The following UNK variants were observed in gnomAD, a reference collection of about 807,000 sequenced individuals.
UNK encodes unk zinc finger, also known as RING finger protein unkempt homolog.
In UNK, 32 loss-of-function variants were observed where a neutral mutation model predicts 97.6. That is an observed-to-expected ratio of 0.33 (90% CI 0.25 to 0.44). The LOEUF (loss-of-function observed/expected upper bound fraction) is 0.44. Among genes scored for constraint, UNK ranks in the 20% least tolerant of loss-of-function variants. The pLI, the probability that UNK is intolerant of heterozygous loss-of-function variation, is 1.00. For missense variants in UNK, 771 were observed against 1,098.4 expected, an observed-to-expected ratio of 0.70 and a Z score of 4.21; for synonymous variants, 441 against 461.2, an observed-to-expected ratio of 0.96 and a Z score of 0.56.
At chr17:75,822,885 T>C (rs548877645) in intron 14 of UNK, among the ~76,000 whole-genome samples, 1 of 152,332 alleles carries the variant, frequency 6.6e-6, no homozygotes, top group East Asian at 1.9e-4. Flanking sequence ...GAGCTGCTTG[T>C]AGTCTGTCCC....
intron 1 of UNK, among the ~76,000 whole-genome samples, chr17:75,786,307 G>C (rs2061710383): frequency 6.6e-6 from 1 of 152,122 alleles, no homozygotes; most frequent in African/African-American, 2.4e-5. Flanking sequence ...TTTCGAATCT[G>C]GAAACTTCAC....
In UNK at chr17:75,822,521, G is replaced by C; in HGVS notation, c.1882G>C (p.Gly628Arg). The part of the protein sequence containing the change: ...NSSIWEHFAS[G>R]SFSPGTSPAF... ...CAGCATCTGGGAGCATTTTGCCTCT[G>C]GAAGCTTCTCCCCGGGCACTTCCCC... is the stretch of plus-strand genomic sequence containing the variant. Residue 628 changes from glycine to arginine, a missense_variant, in exon 14 of 16, where the codon GGA becomes CGA. Gly to Arg is a moderately radical substitution (Grantham distance 125). Coordinates refer to ENST00000589666, the MANE Select transcript of UNK (RefSeq NM_001080419.3). 6.2e-7 allele frequency: 1 copy of C among 1,613,648 alleles called. No homozygotes were observed. The highest frequency in any genetic ancestry group is 8.5e-7 in the Non-Finnish European group (1 of 1,179,786).
rs1447865882 is a variant in UNK, at chr17:75,819,456, A to C, written c.1547-228A>C. The C allele has an allele frequency of 1.0e-5, 6 of 573,512 alleles. No homozygotes were observed. In the African/African-American group the frequency reaches 1.1e-4, roughly 11 times the overall value. The allele number at this position is 573,512 out of a possible 1,614,324, so 35.5% of individuals were successfully genotyped here. A position where few individuals can be genotyped will look rare whatever the true frequency, so the allele number is the denominator to read the frequency against. ...GATGTGATTTCTCCTGGAAGTATCA[A>C]AGAAGATTCAGAAAGGAGAGGCATT... On this transcript the variant is annotated intron_variant, in intron 11 of 15. Coordinates refer to ENST00000589666, the MANE Select transcript of UNK (RefSeq NM_001080419.3). This position sits in a 1 kb window ranked among gnomAD's most constrained non-coding sequence, Gnocchi z 5.4.
At chr17:75,813,258 G>A (rs764698883) in intron 5 of UNK, 45 bp downstream of exon 5, 1 of 1,542,160 alleles carries the variant, frequency 6.5e-7, no homozygotes, top group South Asian at 1.2e-5. Context: ...AGGAGTGGCA[G>A]GGAAGGGGTC....
chr17:75,814,056 C>T (rs2061994608), intron 6 of UNK, among the ~76,000 whole-genome samples, 178 bp downstream of exon 6: 1 of 152,168 alleles, frequency 6.6e-6, no homozygotes, highest in Admixed American at 6.5e-5. Context: ...GGCATCTTCT[C>T]CTATTCTGAG....
intron 13 of UNK, 43 bp from the exon 14 acceptor site, chr17:75,822,434 C>A: frequency 6.4e-7 from 1 of 1,566,524 alleles, no homozygotes; most frequent in Non-Finnish European, 8.7e-7. Flanking sequence ...GGGCCTGGGC[C>A]CAAAGCCCTC....
intron 13 of UNK, chr17:75,821,287 A>G: frequency 2.4e-6 from 1 of 424,014 alleles, no homozygotes; most frequent in Non-Finnish European, 4.8e-6. Context: ...ACTATTGAGC[A>G]CAGGTGTATT....
chr17:75,812,514 A>G lies in UNK; in HGVS notation c.551A>G (p.Glu184Gly). The G allele has an allele frequency of 6.2e-7, 1 of 1,612,754 alleles. No homozygotes were observed. The highest frequency in any genetic ancestry group is 1.1e-5 in the South Asian group (1 of 90,972). ...NGQTTVEGSI[E>G]GQSAGAASHA... ...CAGACCACGGTAGAGGGGAGCATAGAGGGCCAGTCGGCTGGGGCTGCGAGC... is the reference window on the plus strand; with the variant it reads ...CAGACCACGGTAGAGGGGAGCATAGGGGGCCAGTCGGCTGGGGCTGCGAGC... Residue 184 changes from glutamate (E) to glycine (G), a missense_variant, in exon 4 of 16, where the codon GAG (glutamate) becomes GGG (glycine). Transcript: ENST00000589666.
At chr17:75,801,706 C>T (rs1386999464) in intron 1 of UNK, among the ~76,000 whole-genome samples, 1 of 151,914 alleles carries the variant, frequency 6.6e-6, no homozygotes, top group Non-Finnish European at 1.5e-5. Context: ...GCCACCACAC[C>T]TGGCTAATTT....
rs973009570 is a variant in UNK at position 75,816,483 on chromosome 17, T to C, written c.962-287T>C. Among the ~76,000 whole-genome samples, 1 of 152,212 alleles carries C rather than the reference T, an allele frequency of 6.6e-6. No homozygotes were observed. The highest frequency in any genetic ancestry group is 2.4e-5 in the African/African-American group (1 of 41,446). On this transcript the variant is annotated intron_variant, in intron 7 of 15. Coordinates refer to ENST00000589666, the MANE Select transcript of UNK (RefSeq NM_001080419.3). The surrounding 1 kb of genome is among the most constrained non-coding windows in gnomAD (Gnocchi z 4.0). The stretch of plus-strand genomic sequence containing the variant: ...CTCCTCTGTGTTTTAGCTCTGTCAC[T>C]TTGGTGGGTTTACCTTACCTCTCTG...
chr17:75,812,396 C>G (rs1040517083), intron 3 of UNK, 59 bp from the exon 4 acceptor site: 1 of 1,587,256 alleles, frequency 6.3e-7, no homozygotes, highest in East Asian at 2.2e-5. Context: ...GGCTGGCACT[C>G]TGGTTCTTGC....
At position 75,817,476 on chromosome 17, in the gene UNK, G is replaced by A. The variant is rs374489352; in HGVS notation, c.1255G>A (p.Glu419Lys). The change falls in exon 9 of 16, where the codon GAG becomes AAG. Residue 419 changes from glutamate to lysine, a missense_variant. Around this residue, in one of 5 missense-constraint regions of UNK, gnomAD observed 192 missense variants for 202.4 expected, o/e 0.95. Transcript: ENST00000589666. This position sits in a 1 kb window ranked among gnomAD's most constrained non-coding sequence, Gnocchi z 5.8. ...CAGCTATAAGAAGGCTCCCGGCTTC[G>A]AGAGGGAAGACCAGGTGGGAGCCGA... ...PGSYKKAPGF[E>K]REDQVGAEYL... The A allele has an allele frequency of 1.9e-5, 30 of 1,612,906 alleles. No homozygotes were observed. The African/African-American group carries it at 2.4e-4, about 13-fold the overall frequency.
At chr17:75,807,549 G>A (rs2061930253) in intron 1 of UNK, among the ~76,000 whole-genome samples, 1 of 152,222 alleles carries the variant, frequency 6.6e-6, no homozygotes, top group Non-Finnish European at 1.5e-5. Context: ...TCCGCCTCCT[G>A]GGTTCAGGTA....
At position 75,819,828 on chromosome 17, in the gene UNK, G is replaced by A. The variant is rs768515860; in HGVS notation, c.1648+43G>A. ...GCAGGGCAGCCTGGAGGACTCCTCG[G>A]GTTCCTGCCTGGCTCAGGCCCCTTG... On this transcript the variant is annotated intron_variant, in intron 12 of 15. Coordinates refer to ENST00000589666, the MANE Select transcript of UNK (RefSeq NM_001080419.3). The surrounding 1 kb of genome is among the most constrained non-coding windows in gnomAD (Gnocchi z 5.4). The A allele has an allele frequency of 3.1e-6, 5 of 1,611,946 alleles. No individual in the cohort carries two copies. In the South Asian group the frequency reaches 5.5e-5, roughly 18 times the overall value.
chr17:75,805,724 G>A (rs182551558), intron 1 of UNK, among the ~76,000 whole-genome samples: 40 of 152,158 alleles, frequency 2.6e-4, no homozygotes, highest in African/African-American at 8.9e-4. Context: ...CTTGAGCTCA[G>A]GAGGTTAAGG....
At chr17:75,793,358 A>G (rs745843598) in intron 1 of UNK, 7 of 932,908 alleles carry the variant, frequency 7.5e-6, no homozygotes, top group African/African-American at 1.8e-5. Flanking sequence ...CAATGGCTAT[A>G]CTATATTAGT....
intron 2 of UNK, among the ~76,000 whole-genome samples, chr17:75,811,025 T>C (rs1413739415): frequency 1.3e-5 from 2 of 151,788 alleles, no homozygotes; most frequent in African/African-American, 4.8e-5. Context: ...CCATGTCGGC[T>C]CACTGCAACC....
intron 1 of UNK, among the ~76,000 whole-genome samples, chr17:75,802,449 G>A (rs1205846850): frequency 1.3e-5 from 2 of 151,762 alleles, no homozygotes; most frequent in South Asian, 2.1e-4. Context: ...AACTGTTTTA[G>A]TGATGGGGTC....
intron 1 of UNK, among the ~76,000 whole-genome samples, chr17:75,808,435 C>G (rs2061938272): frequency 6.6e-6 from 1 of 152,182 alleles, no homozygotes. Flanking sequence ...CTCCTTTTCT[C>G]TTTTCCAGTT....
Sources: gnomAD v4.1 joint callset for allele counts (sites outside exome capture counted in the v4.1 genomes callset) on GRCh38, gnomAD v4.1.1 for gene constraint, gnomAD v4.1.1 regional missense constraint, Gnocchi (gnomAD v3.1) non-coding constraint, MANE v1.5 for transcripts, NCBI Gene and HGNC (gene_info 2026-07-23, HGNC 2026-07-21) for gene names.